Variants in CD46 observed in about 807,000 individuals in gnomAD.
CD46 encodes the protein membrane cofactor protein.
In CD46, 30 loss-of-function variants were observed where a neutral mutation model predicts 53.3. The observed-to-expected ratio is 0.56, with a 90% CI of 0.42 to 0.76. The LOEUF is 0.76. Among genes scored for constraint, CD46 ranks in the 30% least tolerant of loss-of-function variants. CD46 has a pLI of 0.00. For synonymous variants in CD46, 142 were observed against 152.0 expected (o/e 0.93, Z 0.48); for missense variants, 409 against 463.0 (o/e 0.88, Z 1.07).
intron 9 of CD46, chr1:207,783,538 TTTTC>T: frequency 2.2e-6 from 1 of 449,790 alleles, no homozygotes; most frequent in Non-Finnish European, 4.1e-6. Context: ...TGTCGATAAA[TTTTC>T]TTTCTATTCA....
chr1:207,760,639 A>T (rs1414491858), intron 4 of CD46: 1 of 152,558 alleles, frequency 6.6e-6, no homozygotes, highest in Non-Finnish European at 1.5e-5. Context: ...GAGACTGGGT[A>T]ATTTATAAAG....
chr1:207,767,389 A>G (rs1186681158), intron 6 of CD46, 194 bp downstream of exon 6: 1 of 715,698 alleles, frequency 1.4e-6, no homozygotes, highest in African/African-American at 1.8e-5. Context: ...TGCTGTTGTG[A>G]TTTTTTGTGC....
At chr1:207,755,839 T>A (rs2102531821) in intron 1 of CD46, among the ~76,000 whole-genome samples, 1 of 152,350 alleles carries the variant, frequency 6.6e-6, no homozygotes, top group Non-Finnish European at 1.5e-5. Flanking sequence ...AATATGAAAT[T>A]GATTACAATA....
rs1203488720 is a variant in CD46, at chr1:207,780,062, A to C, written c.944-3230A>C. ...TTTGACCATTTTAAGTTTACAATTC[A>C]GTGGCATTCAGTACACTGACATTGT... On this transcript the variant is annotated intron_variant, in intron 8 of 12. Coordinates refer to ENST00000367042, the MANE Select transcript of CD46 (RefSeq NM_172351.3). 3.3e-5 allele frequency among the ~76,000 whole-genome samples: 5 copies of C among 151,888 alleles called. No homozygotes were observed. In the East Asian group the frequency reaches 9.7e-4, roughly 29 times the overall value.
Position 207,794,261 on chromosome 1 carries a change from G to A in CD46, c.*784G>A, listed in dbSNP as rs1348674915. 2.0e-5 allele frequency: 3 copies of A among 152,314 alleles called. No individual in the cohort carries two copies. The highest frequency in any genetic ancestry group is 2.0e-4 in the Admixed American group (3 of 15,292). The allele number at this position is 152,314 out of a possible 1,614,324, so 9.4% of individuals were successfully genotyped here. ...CTTTTTAAAACATCCCTAACTGATC[G>A]AATATATCAGTAATTTCAGAATCAG... On this transcript the variant is annotated 3_prime_UTR_variant, in exon 13 of 13. Transcript: ENST00000367042.
chr1:207,780,185 C>T (rs1571666377), intron 8 of CD46, among the ~76,000 whole-genome samples: 1 of 151,944 alleles, frequency 6.6e-6, no homozygotes, highest in Non-Finnish European at 1.5e-5. Context: ...TCCCTATCCC[C>T]ATCACCTGAT....
intron 8 of CD46, among the ~76,000 whole-genome samples, chr1:207,776,407 T>C (rs763901133): frequency 3.9e-5 from 6 of 152,204 alleles, no homozygotes; most frequent in Non-Finnish European, 7.3e-5. Flanking sequence ...GGTATCTCAG[T>C]TGGAAATGCA....
At chr1:207,793,447 A>G (rs1659985263) in intron 12 of CD46, 72 bp from the exon 13 acceptor site, 2 of 1,128,782 alleles carry the variant, frequency 1.8e-6, no homozygotes, top group Non-Finnish European at 2.7e-6. Flanking sequence ...TTTTCTGAAT[A>G]GGCTTCTGGA....
chr1:207,792,238 C>T (rs984083218), intron 12 of CD46, among the ~76,000 whole-genome samples: 2 of 152,036 alleles, frequency 1.3e-5, no homozygotes, highest in African/African-American at 4.8e-5. Context: ...GATCACACCA[C>T]ACTGCACTCC....
chr1:207,778,784 A>T (rs1658403666), intron 8 of CD46, among the ~76,000 whole-genome samples: 1 of 152,146 alleles, frequency 6.6e-6, no homozygotes, highest in South Asian at 2.1e-4. Flanking sequence ...TTTTGGCTCC[A>T]TATGAATTTT....
At chr1:207,792,408 C>T (rs953692464) in intron 12 of CD46, among the ~76,000 whole-genome samples, 3 of 152,148 alleles carry the variant, frequency 2.0e-5, no homozygotes, top group African/African-American at 7.2e-5. Context: ...ATAGTAATGA[C>T]GCAGTAGAGA....
At chr1:207,754,150 G>T (rs1366989845) in intron 1 of CD46, among the ~76,000 whole-genome samples, 1 of 152,208 alleles carries the variant, frequency 6.6e-6, no homozygotes, top group East Asian at 1.9e-4. Context: ...CAAGGGAAGT[G>T]CTCTGGAGGC....
At position 207,761,446 on chromosome 1, in the gene CD46, G is replaced by A; in HGVS notation, c.673G>A (p.Val225Met). Residue 225 changes from valine (V) to methionine (M), a missense_variant and splice_region_variant, in exon 5 of 13, where the codon GTG (valine) becomes ATG (methionine). Val to Met is a conservative substitution (Grantham distance 21). Coordinates refer to ENST00000367042, the MANE Select transcript of CD46 (RefSeq NM_172351.3). ...VWSRAAPECK[V>M]VKCRFPVVEN... ...GAGTCGTGCTGCTCCAGAGTGTAAA[G>A]GTAGTGTTTCAATTTATTTCCTTCT... 2 of 1,611,564 alleles carry A rather than the reference G, an allele frequency of 1.2e-6. No homozygotes were observed. Among genetic ancestry groups the A allele is most frequent in the African/African-American group, 1.3e-5 (1 of 74,986 alleles).
chr1:207,764,933 C>T (rs190750929), intron 5 of CD46, among the ~76,000 whole-genome samples: 4 of 152,314 alleles, frequency 2.6e-5, no homozygotes, highest in African/African-American at 9.6e-5. Flanking sequence ...GGGAACACTT[C>T]TCATCCCATT....
At chr1:207,773,408 G>T (rs1217166325) in intron 8 of CD46, among the ~76,000 whole-genome samples, 1 of 152,116 alleles carries the variant, frequency 6.6e-6, no homozygotes, top group East Asian at 1.9e-4. Flanking sequence ...GTTCTGCTCT[G>T]ATCTTAGTTA....
At position 207,771,357 on chromosome 1, in the gene CD46, T is replaced by G. The variant is rs551741061; in HGVS notation, c.943+995T>G. ...CCCATTCTGTACGTTGCCTGTTCAC[T>G]CTGATGATAGTTTCTTTTGCTGTGC... is the stretch of plus-strand genomic sequence containing the variant. On this transcript the variant is annotated intron_variant, in intron 8 of 12. Transcript: ENST00000367042. Among the ~76,000 whole-genome samples the G allele has an allele frequency of 1.9e-3, 290 of 152,374 alleles. 2 individuals carry two copies. Among genetic ancestry groups the G allele is most frequent in the African/African-American group, 6.5e-3 (272 of 41,586 alleles).
chr1:207,777,570 T>C (rs927714356), intron 8 of CD46, among the ~76,000 whole-genome samples: 29 of 152,162 alleles, frequency 1.9e-4, no homozygotes, highest in African/African-American at 6.0e-4. Flanking sequence ...CCCCCACTTA[T>C]AAGTGAGAAC....
intron 11 of CD46, among the ~76,000 whole-genome samples, chr1:207,787,780 G>A (rs1659407146): frequency 6.6e-6 from 1 of 152,178 alleles, no homozygotes; most frequent in Non-Finnish European, 1.5e-5. Context: ...TCCAAAGCTA[G>A]GCTCTCTTTA....
At chr1:207,790,438 T>C (rs1167046404) in intron 12 of CD46, 93 bp downstream of exon 12, 4 of 692,448 alleles carry the variant, frequency 5.8e-6, no homozygotes, top group Non-Finnish European at 1.0e-5. Flanking sequence ...CAAAGAGATA[T>C]TGGCAGTAAA....
Sources: gnomAD v4.1 joint callset for allele counts (sites outside exome capture counted in the v4.1 genomes callset) on GRCh38, gnomAD v4.1.1 for gene constraint, MANE v1.5 for transcripts, NCBI Gene and HGNC (gene_info 2026-07-23, HGNC 2026-07-21) for gene names.